Variants in UBXN2A observed in about 807,000 individuals in gnomAD.
UBXN2A encodes UBX domain-containing protein 2A.
Under a neutral mutation model 28.4 loss-of-function variants are expected in UBXN2A, and 28 were observed. The observed-to-expected ratio is 0.99, with a 90% CI of 0.73 to 1.35. The LOEUF (loss-of-function observed/expected upper bound fraction) is 1.35. Among genes scored for constraint, UBXN2A ranks in the 40% most tolerant of loss-of-function variants. The pLI, the probability that UBXN2A is intolerant of heterozygous loss-of-function variation, is 0.00. For synonymous variants in UBXN2A, 97 were observed against 103.6 expected, an observed-to-expected ratio of 0.94 and a Z score of 0.39; for missense variants, 253 against 297.9, an observed-to-expected ratio of 0.85 and a Z score of 1.11.
chr2:23,944,089 G>T (rs559982480), intron 1 of UBXN2A: 2 of 670,622 alleles, frequency 3.0e-6, no homozygotes, highest in Admixed American at 3.7e-5. Flanking sequence ...TTGAGCACAG[G>T]GGTCTCTTTT....
chr2:23,962,156 T>G (rs1307859157), intron 2 of UBXN2A, among the ~76,000 whole-genome samples: 1 of 152,162 alleles, frequency 6.6e-6, no homozygotes, highest in Non-Finnish European at 1.5e-5. Context: ...AAAAACTGCT[T>G]TTCTAAGTGT....
chr2:23,974,625 C>T (rs190394761), intron 3 of UBXN2A, among the ~76,000 whole-genome samples: 162 of 152,250 alleles, frequency 1.1e-3, no homozygotes, highest in Non-Finnish European at 1.9e-3. Flanking sequence ...GGATTACAGA[C>T]GCGAGCCACC....
At chr2:23,991,705 C>T (rs13428205) in intron 6 of UBXN2A, among the ~76,000 whole-genome samples, 1,628 of 152,278 alleles carry the variant, frequency 0.011, 27 homozygotes, top group African/African-American at 0.038. Flanking sequence ...CTGCTGATCT[C>T]AGGTGGTCCG....
chr2:23,973,496 A>G (rs1217332523), intron 3 of UBXN2A, among the ~76,000 whole-genome samples: 2 of 142,832 alleles, frequency 1.4e-5, no homozygotes, highest in Admixed American at 7.0e-5. Context: ...CCGCCACCAC[A>G]CCTGGCTAAT....
intron 2 of UBXN2A, among the ~76,000 whole-genome samples, chr2:23,960,087 C>T (rs879627606): frequency 6.6e-6 from 1 of 151,624 alleles, no homozygotes; most frequent in Non-Finnish European, 1.5e-5. Context: ...CCCGTCTCTA[C>T]TAAAAATACA....
Position 24,000,437 on chromosome 2 carries a change from G to C in UBXN2A, c.*570G>C, listed in dbSNP as rs1032814519. 2.6e-5 allele frequency: 4 copies of C among 152,370 alleles called. No homozygotes were observed. The highest frequency in any genetic ancestry group is 4.4e-5 in the Non-Finnish European group (3 of 68,176). 9.4% of individuals were successfully genotyped at this position (152,370 alleles called of 1,614,324 possible). On this transcript the variant is annotated 3_prime_UTR_variant, in exon 7 of 7. Transcript: ENST00000309033. ...CGCAACTGTAGTCCCAGCTACTCGGGAGGCTGAGGCAGGAGAATCTCTTGA... is the reference window on the plus strand; with the variant it reads ...CGCAACTGTAGTCCCAGCTACTCGGCAGGCTGAGGCAGGAGAATCTCTTGA...
chr2:23,957,537 C>G (rs765273855), intron 1 of UBXN2A, among the ~76,000 whole-genome samples: 1 of 152,060 alleles, frequency 6.6e-6, no homozygotes, highest in Non-Finnish European at 1.5e-5. Context: ...CTCCTGACCT[C>G]AAGTGATCCA....
At chr2:23,967,919 A>G (rs1024013359) in intron 2 of UBXN2A, among the ~76,000 whole-genome samples, 2 of 152,116 alleles carry the variant, frequency 1.3e-5, no homozygotes, top group African/African-American at 4.8e-5. Context: ...TAGTAACAAT[A>G]TAGTGATGGC....
intron 1 of UBXN2A, among the ~76,000 whole-genome samples, chr2:23,957,927 C>T (rs1354052300): frequency 6.6e-6 from 1 of 152,170 alleles, no homozygotes; most frequent in Non-Finnish European, 1.5e-5. Flanking sequence ...TGCGCCTAGC[C>T]ATTTTTTGTA....
chr2:23,949,564 A>G (rs1706262219), intron 1 of UBXN2A, among the ~76,000 whole-genome samples: 1 of 151,042 alleles, frequency 6.6e-6, no homozygotes, highest in African/African-American at 2.4e-5. Context: ...AAATAAATAA[A>G]TAATAAAAAT....
Position 23,992,999 on chromosome 2 carries a change from C to T in UBXN2A, c.585-6673C>T, listed in dbSNP as rs567405168. ...GTTTCTGTTTTGTGGATTTCTTTAG[C>T]TACCATCTACCTGGTGCTTTCTATG... On this transcript the variant is annotated intron_variant, in intron 6 of 6. Coordinates refer to ENST00000309033, the MANE Select transcript of UBXN2A (RefSeq NM_181713.4). Among the ~76,000 whole-genome samples the T allele has an allele frequency of 2.6e-5, 4 of 152,230 alleles. No homozygotes were observed. The East Asian group carries it at 7.7e-4, about 29-fold the overall frequency.
intron 6 of UBXN2A, among the ~76,000 whole-genome samples, chr2:23,999,358 T>A (rs963413674): frequency 6.6e-6 from 1 of 152,192 alleles, no homozygotes; most frequent in Non-Finnish European, 1.5e-5. Context: ...ATCAAATTTC[T>A]GGGAGTCAAA....
chr2:23,935,449 C>CA (rs942513959), intron 1 of UBXN2A, among the ~76,000 whole-genome samples: 3 of 151,398 alleles, frequency 2.0e-5, no homozygotes, highest in Non-Finnish European at 2.9e-5. Flanking sequence ...GGCGTTTCTC[C>CA]AAAAAAAATA....
At chr2:23,941,579 T>A in intron 1 of UBXN2A, among the ~76,000 whole-genome samples, 1 of 152,202 alleles carries the variant, frequency 6.6e-6, no homozygotes, top group Non-Finnish European at 1.5e-5. Context: ...TGAGCAGTTG[T>A]TTTCAGCTGG....
intron 4 of UBXN2A, among the ~76,000 whole-genome samples, chr2:23,980,112 A>G (rs773672843): frequency 2.0e-5 from 3 of 152,178 alleles, no homozygotes; most frequent in Non-Finnish European, 4.4e-5. Flanking sequence ...ATCAGATACT[A>G]GAAGTCACTC....
intron 2 of UBXN2A, among the ~76,000 whole-genome samples, chr2:23,970,515 C>CT (rs1707370363): frequency 1.3e-5 from 2 of 152,036 alleles, no homozygotes; most frequent in Admixed American, 6.6e-5. Flanking sequence ...TGATCCCCAA[C>CT]TTTTTTGGCA....
intron 3 of UBXN2A, among the ~76,000 whole-genome samples, chr2:23,974,885 A>C (rs1707590125): frequency 2.0e-5 from 3 of 152,090 alleles, no homozygotes; most frequent in African/African-American, 4.8e-5. Flanking sequence ...AGGTTAAGGC[A>C]TGAGAATCAC....
intron 2 of UBXN2A, among the ~76,000 whole-genome samples, chr2:23,961,835 C>T (rs753150928): frequency 4.7e-5 from 7 of 150,034 alleles, no homozygotes; most frequent in Non-Finnish European, 7.4e-5. Flanking sequence ...TGTGAACCAC[C>T]GCACCCGGCC....
chr2:23,958,516 A>C lies in UBXN2A; in HGVS notation c.41+161A>C, dbSNP rs77268175. Among the ~76,000 whole-genome samples, 783 of 152,338 alleles carry C rather than the reference A, an allele frequency of 5.1e-3. 6 individuals carry two copies. Among genetic ancestry groups the C allele is most frequent in the African/African-American group, 0.018 (745 of 41,586 alleles). ...GAAGTAATTTTTTTACCATAGCTGC[A>C]TTAAACAAATTTTATTGAAGTTACT... On this transcript the variant is annotated intron_variant, in intron 2 of 6. Transcript: ENST00000309033.
Sources: allele counts gnomAD v4.1 joint callset (sites outside exome capture counted in the v4.1 genomes callset), GRCh38; gene constraint gnomAD v4.1.1; transcripts MANE v1.5; gene names NCBI Gene and HGNC (gene_info 2026-07-23, HGNC 2026-07-21).